Variants in RAB30 observed in about 807,000 individuals in gnomAD.
RAB30 encodes ras-related protein Rab-30.
A neutral mutation model predicts 25.1 loss-of-function variants in RAB30; 9 were observed. The ratio of observed to expected loss-of-function variants is 0.36; its 90% confidence interval spans 0.22 to 0.63. The LOEUF (loss-of-function observed/expected upper bound fraction) is 0.63, where lower values mean the gene tolerates loss of function less well. RAB30 is among the 20% of genes least tolerant of loss of function. RAB30 has a pLI of 0.69. For synonymous variants in RAB30, 77 were observed against 86.4 expected (o/e 0.89, Z 0.60); for missense variants, 140 against 243.5 (o/e 0.58, Z 2.83).
At chr11:82,996,576 A>T (rs1257568904) in intron 2 of RAB30, among the ~76,000 whole-genome samples, 1 of 152,246 alleles carries the variant, frequency 6.6e-6, no homozygotes, top group Non-Finnish European at 1.5e-5. Context: ...TCTATATAAA[A>T]GCAGTATATA....
chr11:83,064,424 T>C (rs532778676), intron 1 of RAB30, among the ~76,000 whole-genome samples: 1 of 152,298 alleles, frequency 6.6e-6, no homozygotes, highest in Non-Finnish European at 1.5e-5. Flanking sequence ...ATGTCAATTC[T>C]AGAATCAAAA....
chr11:83,057,984 C>A (rs1858491033), intron 1 of RAB30, among the ~76,000 whole-genome samples: 1 of 152,166 alleles, frequency 6.6e-6, no homozygotes, highest in Non-Finnish European at 1.5e-5. Flanking sequence ...ACGCTGAGAC[C>A]TGAGCCTTGT....
chr11:83,061,469 GGT>G lies in RAB30; in HGVS notation c.-9+10220_-9+10221del, dbSNP rs1382612907. Among the ~76,000 whole-genome samples the G allele has an allele frequency of 2.0e-5, 3 of 152,074 alleles. No homozygotes were observed. In the East Asian group the frequency reaches 5.8e-4, roughly 29 times the overall value. The stretch of plus-strand genomic sequence containing the variant: ...AAAAATATGATTGTTTCCATGTAAT[GGT>G]ATTGTGATTACATGGGAGAATGTCC... On this transcript the variant is annotated intron_variant, in intron 1 of 4. Coordinates refer to ENST00000527633, the MANE Select transcript of RAB30 (RefSeq NM_001286060.2).
chr11:83,004,164 T>C (rs1237516598), intron 1 of RAB30, among the ~76,000 whole-genome samples: 2 of 152,202 alleles, frequency 1.3e-5, no homozygotes, highest in Non-Finnish European at 2.9e-5. Context: ...CATGAAACAT[T>C]AGTGTAGTAA....
chr11:83,048,397 A>C (rs1188606569), intron 1 of RAB30, among the ~76,000 whole-genome samples: 1 of 151,682 alleles, frequency 6.6e-6, no homozygotes, highest in African/African-American at 2.4e-5. Context: ...ACTTGAGCCC[A>C]GGAAGTCAAG....
At chr11:83,045,962 G>GTCAATATTAAATATT (rs1858224814) in intron 1 of RAB30, among the ~76,000 whole-genome samples, 1 of 152,128 alleles carries the variant, frequency 6.6e-6, no homozygotes, top group Non-Finnish European at 1.5e-5. Flanking sequence ...TCAAGCTCTG[G>GTCAATATTAAATATT]AATATTAAAA....
intron 1 of RAB30, among the ~76,000 whole-genome samples, chr11:83,042,668 G>T (rs531128048): frequency 1.9e-4 from 29 of 152,310 alleles, no homozygotes; most frequent in Non-Finnish European, 3.2e-4. Context: ...CATCACTAAT[G>T]ATCTGGACAA....
At chr11:83,007,127 C>G (rs1380349133) in intron 1 of RAB30, among the ~76,000 whole-genome samples, 1 of 152,232 alleles carries the variant, frequency 6.6e-6, no homozygotes, top group Non-Finnish European at 1.5e-5. Flanking sequence ...GGCCACGCAG[C>G]ATGTAAGCAA....
chr11:83,025,209 A>G (rs1321198934), intron 1 of RAB30, among the ~76,000 whole-genome samples: 1 of 152,222 alleles, frequency 6.6e-6, no homozygotes, highest in Non-Finnish European at 1.5e-5. Flanking sequence ...TTCTCCTGAC[A>G]TTTTATCAGA....
At chr11:83,055,294 C>T (rs1022424142) in intron 1 of RAB30, among the ~76,000 whole-genome samples, 1 of 152,236 alleles carries the variant, frequency 6.6e-6, no homozygotes, top group Non-Finnish European at 1.5e-5. Flanking sequence ...ACCACAACTT[C>T]ATGAACCTGG....
chr11:83,022,150 G>T (rs1228338678), intron 1 of RAB30, among the ~76,000 whole-genome samples: 1 of 151,632 alleles, frequency 6.6e-6, no homozygotes, highest in African/African-American at 2.4e-5. Context: ...CTTATTAGGG[G>T]TGGGGGTGAA....
chr11:82,986,355 T>C (rs1354145285), intron 4 of RAB30, among the ~76,000 whole-genome samples: 1 of 152,214 alleles, frequency 6.6e-6, no homozygotes, highest in Non-Finnish European at 1.5e-5. Context: ...AAATTTTCCA[T>C]AGTAAAATTG....
chr11:83,033,317 T>C (rs1045518294), intron 1 of RAB30, among the ~76,000 whole-genome samples: 13 of 152,254 alleles, frequency 8.5e-5, no homozygotes, highest in Non-Finnish European at 1.3e-4. Context: ...CTGCTCACCT[T>C]GGCTTCCCAA....
At position 82,987,780 on chromosome 11, in the gene RAB30, C is replaced by A. The variant is rs1163524784; in HGVS notation, c.178-10G>T. On this transcript the variant is annotated splice_polypyrimidine_tract_variant and intron_variant, in intron 3 of 4. Transcript: ENST00000527633. ...TGTCCCAGATCTGTAGCTGTAAAGG[C>A]ATAAGATAAGAATCAGGTGAAGAAG... is the stretch of plus-strand genomic sequence containing the variant. 4 of 1,566,544 alleles carry A rather than the reference C, an allele frequency of 2.6e-6. No homozygotes were observed. The highest frequency in any genetic ancestry group is 2.3e-5 in the South Asian group (2 of 86,136).
intron 3 of RAB30, among the ~76,000 whole-genome samples, chr11:82,989,205 G>A (rs1381087132): frequency 2.6e-5 from 4 of 152,138 alleles, no homozygotes; most frequent in African/African-American, 9.7e-5. Context: ...GCTAGGACAT[G>A]GCATCCAGGC....
chr11:82,983,204 A>G (rs1426819576), intron 4 of RAB30, among the ~76,000 whole-genome samples: 8 of 152,202 alleles, frequency 5.3e-5, no homozygotes, highest in Non-Finnish European at 2.9e-5. Flanking sequence ...AATTTAAAAG[A>G]AAATGGTTAC....
At chr11:83,068,066 G>T (rs1217602140) in intron 1 of RAB30, among the ~76,000 whole-genome samples, 1 of 150,142 alleles carries the variant, frequency 6.7e-6, no homozygotes, top group Non-Finnish European at 1.5e-5. Flanking sequence ...GGAGGCTGCA[G>T]TGAGCTGTGA....
intron 1 of RAB30, among the ~76,000 whole-genome samples, chr11:83,016,860 A>G (rs1037664208): frequency 4.6e-5 from 7 of 152,172 alleles, no homozygotes; most frequent in African/African-American, 1.7e-4. Flanking sequence ...ACAGACTTCT[A>G]TTATTGCATT....
intron 1 of RAB30, among the ~76,000 whole-genome samples, chr11:83,014,690 G>GAA (rs1314432439): frequency 7.4e-6 from 1 of 134,982 alleles, no homozygotes; most frequent in Non-Finnish European, 1.6e-5. Context: ...AAGAAAGAAA[G>GAA]AAAGAGAAAG....
Sources: gnomAD v4.1 joint callset for allele counts (sites outside exome capture counted in the v4.1 genomes callset) on GRCh38, gnomAD v4.1.1 for gene constraint, MANE v1.5 for transcripts, NCBI Gene and HGNC (gene_info 2026-07-23, HGNC 2026-07-21) for gene names.